DPP6: variants seen among roughly 807,000 people sequenced by gnomAD.
DPP6 encodes the protein A-type potassium channel modulatory protein DPP6.
Under a neutral mutation model 122.6 loss-of-function variants are expected in DPP6, and 69 were observed. The ratio of observed to expected loss-of-function variants is 0.56; its 90% CI spans 0.46 to 0.69. DPP6 has a LOEUF of 0.69. Among genes scored for constraint, DPP6 ranks in the 30% least tolerant of loss-of-function variants. The pLI is 0.00. For synonymous variants in DPP6, 418 were observed against 433.1 expected (o/e 0.97, Z 0.43); for missense variants, 928 against 1,116.9 (o/e 0.83, Z 2.41).
At chr7:153,833,797 T>G in the DPP6 span, among the ~76,000 whole-genome samples, 211 of 152,254 alleles carry the variant, frequency 1.4e-3, no homozygotes, top group Middle Eastern at 0.014. Context: ...CCTAAGTAAC[T>G]CTATCATAGG....
intron 1 of DPP6, among the ~76,000 whole-genome samples, chr7:154,296,673 A>G (rs1317168581): frequency 6.6e-6 from 1 of 152,248 alleles, no homozygotes; most frequent in African/African-American, 2.4e-5. Context: ...CATGTGACGT[A>G]TACTAGAATT....
In DPP6 at chr7:154,751,466, C is replaced by T. The variant is rs528774819; in HGVS notation, c.884-17951C>T. ...AATACAAAAAAAAAAAAAAATTAGT[C>T]GGGCGTGGTGGTGGGTGTCTGTTGT... On this transcript the variant is annotated intron_variant, in intron 8 of 25. Transcript: ENST00000377770. Among the ~76,000 whole-genome samples, 12 of 150,232 alleles carry T rather than the reference C, an allele frequency of 8.0e-5. No homozygotes were observed. In the East Asian group the frequency reaches 1.8e-3, roughly 22 times the overall value.
At chr7:154,178,899 C>T (rs1797939858) in intron 1 of DPP6, among the ~76,000 whole-genome samples, 1 of 152,138 alleles carries the variant, frequency 6.6e-6, no homozygotes, top group Non-Finnish European at 1.5e-5. Flanking sequence ...GGTGCTGCTT[C>T]AAGATAGAAC....
chr7:154,506,237 C>G (rs973384913), intron 3 of DPP6, among the ~76,000 whole-genome samples: 1 of 150,614 alleles, frequency 6.6e-6, no homozygotes, highest in African/African-American at 2.4e-5. Context: ...TTTTTTTTCT[C>G]AGTTTTTGTT....
At chr7:153,997,049 C>CTCCA (rs1797472780) in intron 1 of DPP6, among the ~76,000 whole-genome samples, 1 of 152,148 alleles carries the variant, frequency 6.6e-6, no homozygotes, top group African/African-American at 2.4e-5. Flanking sequence ...CTCTCTCTCT[C>CTCCA]TCCATCCAAT....
At chr7:153,811,705 C>T in the DPP6 span, among the ~76,000 whole-genome samples, 1 of 152,160 alleles carries the variant, frequency 6.6e-6, no homozygotes, top group Non-Finnish European at 1.5e-5. Flanking sequence ...CAGCTCTGCT[C>T]TTAAAGTCAC....
chr7:154,010,052 T>C (rs551237819), intron 1 of DPP6, among the ~76,000 whole-genome samples: 2 of 152,266 alleles, frequency 1.3e-5, no homozygotes, highest in South Asian at 4.1e-4. Flanking sequence ...GGAAGAGGTG[T>C]CATCTATTTT....
At chr7:154,747,990 G>A (rs1843113982) in intron 8 of DPP6, among the ~76,000 whole-genome samples, 1 of 152,202 alleles carries the variant, frequency 6.6e-6, no homozygotes, top group Non-Finnish European at 1.5e-5. Flanking sequence ...TAGATAAAGG[G>A]GTACAAGCTG....
chr7:154,843,022 G>T (rs192491362), intron 16 of DPP6, among the ~76,000 whole-genome samples: 1 of 152,216 alleles, frequency 6.6e-6, no homozygotes, highest in Admixed American at 6.5e-5. Flanking sequence ...TTGGGAACAC[G>T]CACATAAGAG....
At chr7:154,492,479 C>G (rs1434978647) in intron 3 of DPP6, among the ~76,000 whole-genome samples, 1 of 152,212 alleles carries the variant, frequency 6.6e-6, no homozygotes, top group Non-Finnish European at 1.5e-5. Flanking sequence ...AGCCTGCTTT[C>G]TCCTTCTCGC....
chr7:154,631,232 C>T (rs117719439), intron 5 of DPP6, among the ~76,000 whole-genome samples: 2,920 of 152,204 alleles, frequency 0.019, 41 homozygotes, highest in South Asian at 0.037. Flanking sequence ...GCCTTCCATT[C>T]GGGTCTGCAG....
intron 1 of DPP6, among the ~76,000 whole-genome samples, chr7:153,964,988 CTTCCTTCCTTT>C (rs1563055890): frequency 0.012 from 645 of 54,244 alleles, 14 homozygotes; most frequent in Non-Finnish European, 0.018. Context: ...CCCTTCCTTC[CTTCCTTCCTTT>C]CTTCCTTCCT....
Position 154,313,685 on chromosome 7 carries a change from G to GTGTGTGTGTATATATATATA in DPP6, c.244-132528_244-132527insGTGTGTGTATATATATATAT. Among the ~76,000 whole-genome samples, 69 of 20,462 alleles carry GTGTGTGTGTATATATATATA rather than the reference G, an allele frequency of 3.4e-3. 13 individuals are homozygous for GTGTGTGTGTATATATATATA. The highest frequency in any genetic ancestry group is 7.7e-3 in the African/African-American group (61 of 7,876). The allele number at this position is 20,462 out of a possible 152,430, so 13.4% of individuals were successfully genotyped here. A position where few individuals can be genotyped will look rare whatever the true frequency, so the allele number is the denominator to read the frequency against. ...AAGCAACAAGATATTTTAAGATATG[G>GTGTGTGTGTATATATATATA]TATATATATATATATATATATATAT... is the stretch of plus-strand genomic sequence containing the variant. On this transcript the variant is annotated intron_variant, in intron 1 of 25. Transcript: ENST00000377770.
chr7:154,705,751 C>G (rs1313004565), intron 7 of DPP6, among the ~76,000 whole-genome samples: 1 of 152,238 alleles, frequency 6.6e-6, no homozygotes, highest in Non-Finnish European at 1.5e-5. Flanking sequence ...GAGGTCACCA[C>G]TACAGCAGTT....
At chr7:153,876,404 TCACACACA>T in the DPP6 span, among the ~76,000 whole-genome samples, 2 of 150,538 alleles carry the variant, frequency 1.3e-5, no homozygotes, top group East Asian at 2.0e-4. Context: ...TGAAAACAAA[TCACACACA>T]CACACACACA....
At chr7:154,813,793 G>A (rs569478635) in intron 16 of DPP6, among the ~76,000 whole-genome samples, 1 of 151,288 alleles carries the variant, frequency 6.6e-6, no homozygotes, top group East Asian at 1.9e-4. Context: ...TACTTAATTG[G>A]TCTTCTCAAT....
intron 1 of DPP6, among the ~76,000 whole-genome samples, chr7:154,223,771 G>T (rs1426756561): frequency 6.7e-6 from 1 of 149,040 alleles, no homozygotes; most frequent in African/African-American, 2.6e-5. Context: ...GGCTCTTGGG[G>T]TGAGGGTAGA....
At position 154,808,254 on chromosome 7, in the gene DPP6, A is replaced by G. The variant is rs543833909; in HGVS notation, c.1666+1142A>G. On this transcript the variant is annotated intron_variant, in intron 16 of 25. Coordinates refer to ENST00000377770, the MANE Select transcript of DPP6 (RefSeq NM_130797.4). ...TAGCTACTAGAGAGCTCATGACTTC[A>G]TGACTTCGTTCTCTTTTTATCAGTG... is the stretch of plus-strand genomic sequence containing the variant. Among the ~76,000 whole-genome samples, 184 of 152,314 alleles carry G rather than the reference A, an allele frequency of 1.2e-3. 1 individual carries two copies. The highest frequency in any genetic ancestry group is 4.2e-3 in the African/African-American group (174 of 41,568).
intron 13 of DPP6, among the ~76,000 whole-genome samples, chr7:154,802,155 T>A (rs1344205835): frequency 6.6e-6 from 1 of 152,114 alleles, no homozygotes; most frequent in Non-Finnish European, 1.5e-5. Context: ...TTGGATCTCC[T>A]CAGTTTTGGA....
Sources: gnomAD v4.1 joint callset for allele counts (sites outside exome capture counted in the v4.1 genomes callset) on GRCh38, gnomAD v4.1.1 for gene constraint, MANE v1.5 for transcripts, NCBI Gene and HGNC (gene_info 2026-07-23, HGNC 2026-07-21) for gene names.